GRIP1: variants seen among roughly 807,000 people sequenced by gnomAD.
The protein encoded by GRIP1 is glutamate receptor interacting protein 1, also known as glutamate receptor-interacting protein 1.
A neutral mutation model predicts 129.9 loss-of-function variants in GRIP1; 45 were observed. The observed-to-expected ratio is 0.35, with a 90% CI of 0.27 to 0.44. The LOEUF is 0.44. Among genes scored for constraint, GRIP1 ranks in the 20% least tolerant of loss-of-function variants. The probability of loss-of-function intolerance (pLI) is 1.00; values close to 1 mark genes in which losing one functional copy is unlikely to be tolerated. For missense variants in GRIP1, 1,196 were observed against 1,396.8 expected (o/e 0.86, Z 2.29); for synonymous variants, 530 against 520.8 (o/e 1.02, Z -0.24).
chr12:66,695,815 T>C (rs1278594401), intron 1 of GRIP1, among the ~76,000 whole-genome samples: 1 of 152,180 alleles, frequency 6.6e-6, no homozygotes, highest in Non-Finnish European at 1.5e-5. Context: ...TCAGCTTTAT[T>C]GATACTATCA....
At chr12:66,759,971 C>CA (rs1265311663) in intron 1 of GRIP1, among the ~76,000 whole-genome samples, 5 of 152,054 alleles carry the variant, frequency 3.3e-5, no homozygotes, top group Non-Finnish European at 7.4e-5. Flanking sequence ...TCTCCTGCCT[C>CA]AGCCTCCAGA....
At chr12:66,576,695 A>G (rs1425690779) in intron 2 of GRIP1, among the ~76,000 whole-genome samples, 1 of 152,348 alleles carries the variant, frequency 6.6e-6, no homozygotes, top group Non-Finnish European at 1.5e-5. Flanking sequence ...TTTTTGGTAC[A>G]TAACAGATGC....
At chr12:66,871,829 G>A (rs2040301393) in intron 1 of GRIP1, among the ~76,000 whole-genome samples, 1 of 152,066 alleles carries the variant, frequency 6.6e-6, no homozygotes, top group South Asian at 2.1e-4. Flanking sequence ...GGTTGTGCTG[G>A]GGCAAGTGGT....
At chr12:66,771,873 G>A (rs1030812804) in intron 1 of GRIP1, among the ~76,000 whole-genome samples, 1 of 152,230 alleles carries the variant, frequency 6.6e-6, no homozygotes, top group Non-Finnish European at 1.5e-5. Context: ...GAGGCTCACT[G>A]CAAGTGCCAC....
At chr12:66,473,710 G>A (rs1359974095) in intron 7 of GRIP1, among the ~76,000 whole-genome samples, 1 of 152,222 alleles carries the variant, frequency 6.6e-6, no homozygotes, top group African/African-American at 2.4e-5. Context: ...TGGACATCCA[G>A]CAAACTCTAG....
rs73125067 is a variant in GRIP1 at position 66,562,306 on chromosome 12, A to G, written c.137-20356T>C. Among the ~76,000 whole-genome samples, 827 of 152,274 alleles carry G rather than the reference A, an allele frequency of 5.4e-3. 3 individuals carry two copies. Among genetic ancestry groups the G allele is most frequent in the Non-Finnish European group, 8.6e-3 (586 of 68,028 alleles). ...CTCTGAACCAGTGTCACTGATGTCC[A>G]TATTTTCTATACGATATTGTCCTCA... On this transcript the variant is annotated intron_variant, in intron 2 of 24. Coordinates refer to ENST00000359742, the MANE Select transcript of GRIP1 (RefSeq NM_001366722.1).
At chr12:66,732,364 C>A (rs796210782) in intron 1 of GRIP1, among the ~76,000 whole-genome samples, 4 of 152,214 alleles carry the variant, frequency 2.6e-5, no homozygotes, top group African/African-American at 7.2e-5. Flanking sequence ...CCAGCCTGAG[C>A]AACATAGTGA....
At chr12:66,959,959 T>C (rs146450362) in intron 1 of GRIP1, among the ~76,000 whole-genome samples, 1 of 152,168 alleles carries the variant, frequency 6.6e-6, no homozygotes, top group East Asian at 1.9e-4. Flanking sequence ...TATCCTTAAG[T>C]GTAGAAAATA....
chr12:66,939,540 T>G (rs1360064367), intron 1 of GRIP1, among the ~76,000 whole-genome samples: 1 of 152,060 alleles, frequency 6.6e-6, no homozygotes, highest in East Asian at 1.9e-4. Context: ...GGCCCTGAAG[T>G]CAGAGCCAAG....
intron 9 of GRIP1, among the ~76,000 whole-genome samples, chr12:66,458,814 C>G (rs751568864): frequency 6.6e-6 from 1 of 152,202 alleles, no homozygotes; most frequent in Non-Finnish European, 1.5e-5. Context: ...TAGAACAAGT[C>G]AGGTTCCTTC....
intron 1 of GRIP1, among the ~76,000 whole-genome samples, chr12:66,622,839 C>T: frequency 6.6e-6 from 1 of 152,114 alleles, no homozygotes; most frequent in East Asian, 1.9e-4. Flanking sequence ...CGGGATGTTT[C>T]ACATGATCTG....
At chr12:67,020,740 A>G (rs1165846680) in intron 1 of GRIP1, among the ~76,000 whole-genome samples, 3 of 152,180 alleles carry the variant, frequency 2.0e-5, no homozygotes. Context: ...ATTTAAACAT[A>G]ATATAATTTT....
At chr12:66,542,707 C>T (rs1200800764) in intron 2 of GRIP1, among the ~76,000 whole-genome samples, 2 of 152,130 alleles carry the variant, frequency 1.3e-5, no homozygotes, top group African/African-American at 4.8e-5. Context: ...GAATATCCTT[C>T]CCTTCAAAAA....
At chr12:66,768,820 A>G (rs1016557749) in intron 1 of GRIP1, among the ~76,000 whole-genome samples, 1 of 152,202 alleles carries the variant, frequency 6.6e-6, no homozygotes, top group Non-Finnish European at 1.5e-5. Flanking sequence ...CCCAGAGGAC[A>G]CTGCTGCACA....
chr12:66,515,616 T>C lies in GRIP1; in HGVS notation c.724+3A>G. On this transcript the variant is annotated splice_donor_region_variant and intron_variant, in intron 7 of 24. Coordinates refer to ENST00000359742, the MANE Select transcript of GRIP1 (RefSeq NM_001366722.1). ...AGATCACACCCTCAGGACCCCAACA[T>C]ACCCATTACTGAGACATCATATTCT... is the stretch of plus-strand genomic sequence containing the variant. 1 of 1,612,504 alleles carries C rather than the reference T, an allele frequency of 6.2e-7. No homozygotes were observed. Among genetic ancestry groups the C allele is most frequent in the Non-Finnish European group, 8.5e-7 (1 of 1,178,600 alleles).
chr12:66,975,841 T>C (rs192220122), intron 1 of GRIP1, among the ~76,000 whole-genome samples: 1 of 152,192 alleles, frequency 6.6e-6, no homozygotes, highest in African/African-American at 2.4e-5. Flanking sequence ...AGATGAATGA[T>C]ACATTCTGAG....
At chr12:66,580,766 T>G (rs372328521) in intron 2 of GRIP1, among the ~76,000 whole-genome samples, 12 of 151,506 alleles carry the variant, frequency 7.9e-5, no homozygotes, top group East Asian at 3.9e-4. Flanking sequence ...AGCAAGTCCT[T>G]AGTGACCTAC....
At chr12:66,854,978 A>G (rs2039978218) in intron 1 of GRIP1, among the ~76,000 whole-genome samples, 1 of 152,060 alleles carries the variant, frequency 6.6e-6, no homozygotes, top group South Asian at 2.1e-4. Flanking sequence ...ATCTTTGTCA[A>G]CATCATTACT....
chr12:66,812,116 C>T (rs1566035117), intron 1 of GRIP1, among the ~76,000 whole-genome samples: 1 of 152,088 alleles, frequency 6.6e-6, no homozygotes, highest in Non-Finnish European at 1.5e-5. Flanking sequence ...ATTTCTGCCT[C>T]TCCTTTTTAC....
Sources: allele counts gnomAD v4.1 joint callset (sites outside exome capture counted in the v4.1 genomes callset), GRCh38; gene constraint gnomAD v4.1.1; transcripts MANE v1.5; gene names NCBI Gene and HGNC (gene_info 2026-07-23, HGNC 2026-07-21).